The following ZMYND8 variants were observed in gnomAD, a reference collection of about 807,000 sequenced individuals.
ZMYND8 encodes the protein MYND-type zinc finger-containing chromatin reader ZMYND8.
ZMYND8 carries 37 observed loss-of-function variants against 140.8 expected under a neutral mutation model. The observed-to-expected ratio is 0.26, with a 90% CI of 0.20 to 0.35. ZMYND8 has a LOEUF of 0.35. ZMYND8 is among the 10% of genes least tolerant of loss of function. The pLI is 1.00. For missense variants in ZMYND8, 1,068 were observed against 1,570.0 expected (o/e 0.68, Z 5.40); for synonymous variants, 592 against 597.1 (o/e 0.99, Z 0.12).
At chr20:47,332,963 T>G (rs1208523111) in intron 2 of ZMYND8, among the ~76,000 whole-genome samples, 1 of 152,198 alleles carries the variant, frequency 6.6e-6, no homozygotes, top group Admixed American at 6.6e-5. Context: ...CAATGCAGCA[T>G]TATTCAGTCA....
At chr20:47,240,545 T>C (rs1345379323) in intron 14 of ZMYND8, among the ~76,000 whole-genome samples, 1 of 151,686 alleles carries the variant, frequency 6.6e-6, no homozygotes, top group South Asian at 2.1e-4. Flanking sequence ...GAAAAGTAAA[T>C]AAAATGAGTT....
intron 10 of ZMYND8, among the ~76,000 whole-genome samples, chr20:47,279,300 T>C (rs1475886086): frequency 6.6e-6 from 1 of 151,868 alleles, no homozygotes; most frequent in Non-Finnish European, 1.5e-5. Context: ...TGAAACCCCA[T>C]CTCTACTAAA....
intron 16 of ZMYND8, among the ~76,000 whole-genome samples, chr20:47,234,832 T>C (rs2038997719): frequency 6.6e-6 from 1 of 152,200 alleles, no homozygotes; most frequent in South Asian, 2.1e-4. Context: ...CTCTTTATTA[T>C]TAAGACTATA....
At chr20:47,231,356 C>T (rs2038455474) in intron 16 of ZMYND8, among the ~76,000 whole-genome samples, 1 of 152,154 alleles carries the variant, frequency 6.6e-6, no homozygotes, top group Admixed American at 6.6e-5. Context: ...AGAGCAGCCT[C>T]CTATCTGATG....
At chr20:47,306,223 T>C (rs2078469988) in intron 3 of ZMYND8, among the ~76,000 whole-genome samples, 1 of 151,848 alleles carries the variant, frequency 6.6e-6, no homozygotes, top group African/African-American at 2.4e-5. Flanking sequence ...GAGACCCCCA[T>C]CTCTATAACA....
At chr20:47,348,522 G>A (rs1269480315) in intron 1 of ZMYND8, 1 of 157,114 alleles carries the variant, frequency 6.4e-6, no homozygotes, top group Non-Finnish European at 1.4e-5. Flanking sequence ...ATCAGACTGG[G>A]GTCTCCACAC....
intron 21 of ZMYND8, among the ~76,000 whole-genome samples, chr20:47,215,090 C>T (rs149817192): frequency 3.7e-4 from 56 of 152,146 alleles, no homozygotes; most frequent in African/African-American, 1.3e-3. Context: ...TTAAAAATGT[C>T]GGCCAGGCAT....
intron 4 of ZMYND8, among the ~76,000 whole-genome samples, chr20:47,296,366 G>C (rs1159264151): frequency 6.6e-6 from 1 of 152,102 alleles, no homozygotes; most frequent in African/African-American, 2.4e-5. Context: ...ATGCAATACT[G>C]ACCAATGAGC....
chr20:47,325,291 C>A (rs560513464), intron 2 of ZMYND8, among the ~76,000 whole-genome samples: 3 of 152,188 alleles, frequency 2.0e-5, no homozygotes, highest in Non-Finnish European at 4.4e-5. Flanking sequence ...TGAGCTCAAT[C>A]TCAGCTTGTC....
chr20:47,321,515 TAGAA>T (rs2079949626), intron 2 of ZMYND8, among the ~76,000 whole-genome samples: 1 of 152,204 alleles, frequency 6.6e-6, no homozygotes, highest in African/African-American at 2.4e-5. Context: ...GAAATCCTGG[TAGAA>T]AGAAACTTCA....
chr20:47,318,065 GC>G (rs1206580419), intron 2 of ZMYND8, among the ~76,000 whole-genome samples: 1 of 150,212 alleles, frequency 6.7e-6, no homozygotes, highest in Non-Finnish European at 1.5e-5. Context: ...CCCGACTACC[GC>G]CCCCCACTCC....
rs571143357 is a variant in ZMYND8 at position 47,233,871 on chromosome 20, A to C, written c.2856+2455T>G. On this transcript the variant is annotated intron_variant, in intron 16 of 22. Transcript: ENST00000471951. ...CAGACATATTGCTACCTTATGTGGT[A>C]GGCAAACTCTAAGTGGGCTCCCGAT... is the stretch of plus-strand genomic sequence containing the variant. Among the ~76,000 whole-genome samples the C allele has an allele frequency of 9.8e-4, 149 of 152,364 alleles. 4 individuals are homozygous for C. The South Asian group carries it at 0.03, about 30-fold the overall frequency.
intron 10 of ZMYND8, among the ~76,000 whole-genome samples, chr20:47,278,103 G>C (rs1214303441): frequency 6.6e-6 from 1 of 152,136 alleles, no homozygotes; most frequent in African/African-American, 2.4e-5. Context: ...CTCCCAAGTA[G>C]TGGAAGTACA....
chr20:47,231,394 G>T (rs1307374665), intron 16 of ZMYND8, among the ~76,000 whole-genome samples: 1 of 152,204 alleles, frequency 6.6e-6, no homozygotes, highest in South Asian at 2.1e-4. Flanking sequence ...TCTAAGCCTC[G>T]GTTTCCCCAC....
intron 21 of ZMYND8, among the ~76,000 whole-genome samples, chr20:47,215,799 A>G (rs2036007281): frequency 6.6e-6 from 1 of 152,228 alleles, no homozygotes; most frequent in Admixed American, 6.5e-5. Context: ...CCTCAGTCGC[A>G]CTAGCCACAG....
At chr20:47,282,624 C>T (rs2076675056) in intron 9 of ZMYND8, among the ~76,000 whole-genome samples, 1 of 151,788 alleles carries the variant, frequency 6.6e-6, no homozygotes, top group African/African-American at 2.4e-5. Context: ...ACTCAAGAGG[C>T]TGAGGCAGGA....
At chr20:47,223,106 T>G (rs1418424444) in intron 19 of ZMYND8, among the ~76,000 whole-genome samples, 1 of 152,240 alleles carries the variant, frequency 6.6e-6, no homozygotes, top group Non-Finnish European at 1.5e-5. Flanking sequence ...GACATACTAC[T>G]TTATTGTATT....
At chr20:47,318,725 C>G (rs1318862980) in intron 2 of ZMYND8, 1 of 461,562 alleles carries the variant, frequency 2.2e-6, no homozygotes, top group Non-Finnish European at 4.3e-6. Flanking sequence ...GGGCTGAGCC[C>G]TCTCCTCCAG....
chr20:47,337,952 G>C (rs2081518540), intron 2 of ZMYND8, among the ~76,000 whole-genome samples: 1 of 152,064 alleles, frequency 6.6e-6, no homozygotes, highest in South Asian at 2.1e-4. Flanking sequence ...GAAACTGAAA[G>C]GTCACATGGA....
Sources: allele counts gnomAD v4.1 joint callset (sites outside exome capture counted in the v4.1 genomes callset), GRCh38; gene constraint gnomAD v4.1.1; transcripts MANE v1.5; gene names NCBI Gene and HGNC (gene_info 2026-07-23, HGNC 2026-07-21).